Variants in CDK11B observed in about 807,000 individuals in gnomAD.
CDK11B encodes cyclin dependent kinase 11B.
A neutral mutation model predicts 84.0 loss-of-function variants in CDK11B; 37 were observed. The observed-to-expected ratio is 0.44, with a 90% CI of 0.34 to 0.58. CDK11B has a LOEUF of 0.58. CDK11B is among the 20% of genes least tolerant of loss of function. CDK11B has a pLI of 0.02. For synonymous variants in CDK11B, 269 were observed against 309.8 expected (o/e 0.87, Z 1.38); for missense variants, 427 against 834.0 (o/e 0.51, Z 6.01).
chr1:1,638,660 G>C, intron 11 of CDK11B, 70 bp from the exon 12 acceptor site: 1 of 1,357,900 alleles, frequency 7.4e-7, no homozygotes, highest in East Asian at 2.3e-5. Context: ...TGCGTCCACA[G>C]GCACGGCACA....
intron 3 of CDK11B, among the ~76,000 whole-genome samples, chr1:1,654,584 A>AT (rs1642471500): frequency 6.9e-6 from 1 of 143,920 alleles, no homozygotes; most frequent in African/African-American, 2.6e-5. Flanking sequence ...CGTCCGGCCA[A>AT]TATGAACATT....
chr1:1,655,191 A>G (rs528139530), intron 3 of CDK11B, among the ~76,000 whole-genome samples, 178 bp downstream of exon 3: 1 of 150,934 alleles, frequency 6.6e-6, no homozygotes, highest in Non-Finnish European at 1.5e-5. Context: ...ACAACACTTG[A>G]GAGTCAGTCA....
At chr1:1,639,348 G>T (rs28401288) in intron 11 of CDK11B, among the ~76,000 whole-genome samples, 55,510 of 151,308 alleles carry the variant, frequency 0.37, 11,990 homozygotes, top group African/African-American at 0.57. Context: ...GCCTGGGAGG[G>T]GGAGGCTCCA....
In CDK11B at chr1:1,635,715, G is replaced by A. The variant is rs1355142686; in HGVS notation, c.*49C>T. The A allele has an allele frequency of 4.2e-5, 6 of 144,234 alleles. No individual in the cohort carries two copies. Among genetic ancestry groups the A allele is most frequent in the South Asian group, 1.6e-4 (3 of 19,176 alleles). 8.9% of individuals were successfully genotyped at this position (144,234 alleles called of 1,614,324 possible). On this transcript the variant is annotated 3_prime_UTR_variant, in exon 20 of 20. Transcript: ENST00000341832. ...TCGCAGCTCCAGCCGCAGTAGCCAC[G>A]CCTGTGGTCCCGGCTGAGTTCTCCC...
At chr1:1,647,201 A>G (rs566564359) in intron 5 of CDK11B, among the ~76,000 whole-genome samples, 2 of 152,314 alleles carry the variant, frequency 1.3e-5, no homozygotes, top group South Asian at 4.1e-4. Flanking sequence ...TGCTCCATCC[A>G]CAAGTTGTTT....
chr1:1,637,756 G>C lies in CDK11B; in HGVS notation c.1464+6C>G, dbSNP rs561725441. 2.5e-5 allele frequency: 41 copies of C among 1,613,734 alleles called. 2 individuals are homozygous for C. The Middle Eastern group carries it at 6.6e-4, about 26-fold the overall frequency. On this transcript the variant is annotated splice_donor_region_variant and intron_variant, in intron 13 of 19. Transcript: ENST00000341832. ...CCGGGGCCAGGCGTGGTGGGGCCAT[G>C]CTCACTCTAACGGTGACGATGTTGG...
chr1:1,654,970 T>G (rs752677791), intron 3 of CDK11B, among the ~76,000 whole-genome samples: 1 of 152,070 alleles, frequency 6.6e-6, no homozygotes, highest in Non-Finnish European at 1.5e-5. Flanking sequence ...TTTTTCCTTT[T>G]AAGACGGGGT....
chr1:1,649,744 G>A (rs1641642849), intron 4 of CDK11B, 107 bp from the exon 5 acceptor site: 1 of 1,085,462 alleles, frequency 9.2e-7, no homozygotes, highest in African/African-American at 1.6e-5. Context: ...GGAGGCTGAG[G>A]CGGGCGGATC....
intron 4 of CDK11B, among the ~76,000 whole-genome samples, chr1:1,652,075 T>C (rs1217292214): frequency 9.3e-5 from 14 of 150,896 alleles, no homozygotes; most frequent in African/African-American, 3.4e-4. Flanking sequence ...TTTGCTCTCA[T>C]AGCCCTTCTG....
Position 1,635,473 on chromosome 1 carries a change from C to A in CDK11B, c.*291G>T, listed in dbSNP as rs1639162829. 1 of 312,128 alleles carries A rather than the reference C, an allele frequency of 3.2e-6. No homozygotes were observed. Among genetic ancestry groups the A allele is most frequent in the African/African-American group, 4.4e-5 (1 of 22,538 alleles). 19.3% of individuals were successfully genotyped at this position (312,128 alleles called of 1,614,324 possible). A position where few individuals can be genotyped will look rare whatever the true frequency, so the allele number is the denominator to read the frequency against. ...CCTTTCCAAATCACGGCCCAGCCAG[C>A]CCCGTGCGTGTCGAGAGTGGGAGAG... On this transcript the variant is annotated 3_prime_UTR_variant, in exon 20 of 20. Transcript: ENST00000341832.
chr1:1,649,913 T>A (rs1641675244), intron 4 of CDK11B, among the ~76,000 whole-genome samples: 1 of 147,174 alleles, frequency 6.8e-6, no homozygotes, highest in African/African-American at 2.5e-5. Context: ...GAGGCGGAGG[T>A]TGCAGTGAGC....
rs1430256288 is a variant in CDK11B at position 1,658,918 on chromosome 1, ACGCCGCCGCCGCTGCCGC to A, written c.-36_-19del. The A allele has an allele frequency of 7.3e-5, 14 of 192,074 alleles. No homozygotes were observed. Among genetic ancestry groups the A allele is most frequent in the African/African-American group, 2.2e-4 (9 of 41,620 alleles). The allele number at this position is 192,074 out of a possible 1,614,324, so 11.9% of individuals were successfully genotyped here. On this transcript the variant is annotated 5_prime_UTR_variant, in exon 1 of 20. Transcript: ENST00000341832. Reference sequence around the variant, plus strand: ...GTCCGCCCAGTCGGAACTCACCCCTACGCCGCCGCCGCTGCCGCCGCCGCCGCCGCCGGTCCCGGAGCC... The same window carrying A: ...GTCCGCCCAGTCGGAACTCACCCCTACGCCGCCGCCGCCGGTCCCGGAGCC...
chr1:1,639,151 G>A (rs1438945985), intron 11 of CDK11B, among the ~76,000 whole-genome samples: 1 of 150,528 alleles, frequency 6.6e-6, no homozygotes, highest in Non-Finnish European at 1.5e-5. Flanking sequence ...ATATTGGCCA[G>A]GCTGGTCTCG....
At chr1:1,656,011 C>G (rs1257951753) in intron 2 of CDK11B, among the ~76,000 whole-genome samples, 1 of 152,206 alleles carries the variant, frequency 6.6e-6, no homozygotes, top group Non-Finnish European at 1.5e-5. Flanking sequence ...ACATTAGACT[C>G]TATGCCAAGT....
At chr1:1,647,207 T>C (rs1476815538) in intron 5 of CDK11B, among the ~76,000 whole-genome samples, 1 of 152,266 alleles carries the variant, frequency 6.6e-6, no homozygotes, top group South Asian at 2.1e-4. Context: ...ATCCACAAGT[T>C]GTTTCCAAGC....
At chr1:1,640,840 C>T (rs1231725596) in intron 10 of CDK11B, among the ~76,000 whole-genome samples, 1 of 151,402 alleles carries the variant, frequency 6.6e-6, no homozygotes, top group Non-Finnish European at 1.5e-5. Context: ...GCTCCTCGGC[C>T]CTGCTGGGCA....
rs558310738 is a variant in CDK11B at position 1,653,596 on chromosome 1, C to T, written c.228-1030G>A. On this transcript the variant is annotated intron_variant, in intron 3 of 19. Transcript: ENST00000341832. ...TCAGTCTCTCAAAGTGTTGGGATTA[C>T]AGGCGCGAGCTACTGCACCCAGCCA... Among the ~76,000 whole-genome samples the T allele has an allele frequency of 3.4e-4, 52 of 152,050 alleles. 1 individual carries two copies. The South Asian group carries it at 9.8e-3, about 29-fold the overall frequency.
chr1:1,649,037 T>G (rs1364425661), intron 5 of CDK11B, among the ~76,000 whole-genome samples: 2 of 152,194 alleles, frequency 1.3e-5, no homozygotes, highest in Non-Finnish European at 2.9e-5. Flanking sequence ...ACAGTTCTCT[T>G]GGTCAGCCTC....
rs35072492 is a variant in CDK11B at position 1,654,662 on chromosome 1, CTT to C, written c.227+705_227+706del. On this transcript the variant is annotated intron_variant, in intron 3 of 19. Coordinates refer to ENST00000341832, the MANE Select transcript of CDK11B (RefSeq NM_033486.3). ...TTATTTGTGCAAAATCTTTTTTTTCCTTTTTTTTTTTTTAGAGGCGGGGTCTT... is the reference window on the plus strand; with the variant it reads ...TTATTTGTGCAAAATCTTTTTTTTCCTTTTTTTTTTTAGAGGCGGGGTCTT... Among the ~76,000 whole-genome samples, 363 of 143,648 alleles carry C rather than the reference CTT, an allele frequency of 2.5e-3. 1 individual carries two copies. Among genetic ancestry groups the C allele is most frequent in the Middle Eastern group, 3.6e-3 (1 of 274 alleles). 94.2% of individuals were successfully genotyped at this position (143,648 alleles called of 152,430 possible). A position where few individuals can be genotyped will look rare whatever the true frequency, so the allele number is the denominator to read the frequency against.
Sources: gnomAD v4.1 joint callset for allele counts (sites outside exome capture counted in the v4.1 genomes callset) on GRCh38, gnomAD v4.1.1 for gene constraint, MANE v1.5 for transcripts, NCBI Gene and HGNC (gene_info 2026-07-23, HGNC 2026-07-21) for gene names.